The following UVRAG variants were observed in gnomAD, a reference collection of about 807,000 sequenced individuals.
UVRAG encodes UV radiation resistance-associated gene protein.
A neutral mutation model predicts 78.0 loss-of-function variants in UVRAG; 19 were observed. That is an observed-to-expected ratio of 0.24 (90% CI 0.17 to 0.36). The LOEUF (loss-of-function observed/expected upper bound fraction) is 0.36. Ranked by LOEUF, UVRAG falls within the 10% of genes least tolerant of loss-of-function variation. The probability of loss-of-function intolerance (pLI) is 1.00; values close to 1 mark genes in which losing one functional copy is unlikely to be tolerated. For missense variants in UVRAG, 740 were observed against 853.8 expected, an observed-to-expected ratio of 0.87 and a Z score of 1.66; for synonymous variants, 323 against 324.6, an observed-to-expected ratio of 1.00 and a Z score of 0.05.
chr11:75,974,351 C>CTTTTTTTT (rs1188190094), intron 7 of UVRAG, among the ~76,000 whole-genome samples: 2 of 83,712 alleles, frequency 2.4e-5, no homozygotes, highest in African/African-American at 5.0e-5. Context: ...TAAATGTCTT[C>CTTTTTTTT]TTTTTTTTTT....
chr11:75,957,005 G>GT (rs1371325315), intron 6 of UVRAG, among the ~76,000 whole-genome samples: 292 of 143,636 alleles, frequency 2.0e-3, no homozygotes, highest in Non-Finnish European at 2.8e-3. Flanking sequence ...TCTATGGACT[G>GT]TTTTTTTTTT....
intron 13 of UVRAG, among the ~76,000 whole-genome samples, chr11:76,080,052 A>G (rs1170077659): frequency 3.3e-5 from 5 of 152,130 alleles, no homozygotes; most frequent in Non-Finnish European, 2.9e-5. Context: ...GGAAAATTGG[A>G]CTGAATTCAC....
intron 12 of UVRAG, among the ~76,000 whole-genome samples, chr11:76,031,644 C>T (rs933781335): frequency 4.6e-5 from 7 of 152,118 alleles, no homozygotes; most frequent in Non-Finnish European, 8.8e-5. Context: ...ACATGTGACC[C>T]CAACCTGAAC....
intron 5 of UVRAG, among the ~76,000 whole-genome samples, chr11:75,899,828 G>C (rs1190399876): frequency 6.6e-6 from 1 of 152,196 alleles, no homozygotes; most frequent in Non-Finnish European, 1.5e-5. Flanking sequence ...ATGCCCATGA[G>C]ACCATCAACC....
At chr11:76,133,881 A>G (rs1952555260) in intron 14 of UVRAG, among the ~76,000 whole-genome samples, 2 of 152,058 alleles carry the variant, frequency 1.3e-5, no homozygotes, top group South Asian at 4.1e-4. Flanking sequence ...TTCACATTGA[A>G]CAGATTAAAT....
intron 13 of UVRAG, among the ~76,000 whole-genome samples, chr11:76,101,676 T>C (rs34264251): frequency 0.02 from 3,080 of 152,332 alleles, 45 homozygotes; most frequent in Non-Finnish European, 0.034. Flanking sequence ...CAGAATGGTA[T>C]TGCCTAGGTT....
chr11:76,141,274 G>A lies in UVRAG; in HGVS notation c.1961G>A (p.Cys654Tyr). 1.2e-6 allele frequency: 2 copies of A among 1,614,218 alleles called. No individual in the cohort carries two copies. Among genetic ancestry groups the A allele is most frequent in the South Asian group, 1.1e-5 (1 of 91,072 alleles). ...ASGDQLEAFN[C>Y]IPVDSAVAVE... ...GGTGATCAGCTAGAAGCATTTAACTGCATCCCAGTGGACAGTGCTGTGGCA... is the reference window on the plus strand; with the variant it reads ...GGTGATCAGCTAGAAGCATTTAACTACATCCCAGTGGACAGTGCTGTGGCA... Residue 654 changes from cysteine to tyrosine, a missense_variant, in exon 15 of 15, where the codon TGC (cysteine) becomes TAC (tyrosine). Physicochemically the swap from Cys to Tyr is radical, Grantham distance 194. Coordinates refer to ENST00000356136, the MANE Select transcript of UVRAG (RefSeq NM_003369.4).
intron 7 of UVRAG, among the ~76,000 whole-genome samples, chr11:75,981,904 G>C (rs900679992): frequency 2.0e-5 from 3 of 148,854 alleles, no homozygotes; most frequent in Non-Finnish European, 4.4e-5. Context: ...TCTTTGCTGA[G>C]ACTTTCTAGT....
At position 75,888,886 on chromosome 11, in the gene UVRAG, G is replaced by T. The variant is rs778443812; in HGVS notation, c.490G>T (p.Ala164Ser). 1.2e-6 allele frequency: 2 copies of T among 1,612,852 alleles called. No individual in the cohort carries two copies. Among genetic ancestry groups the T allele is most frequent in the East Asian group, 4.5e-5 (2 of 44,806 alleles). Residue 164 changes from alanine (A) to serine (S), a missense_variant, in exon 5 of 15, where the codon GCT (alanine) becomes TCT (serine). Ala to Ser is a moderately conservative substitution (Grantham distance 99). Coordinates refer to ENST00000356136, the MANE Select transcript of UVRAG (RefSeq NM_003369.4). ...IFGLNDGYYG[A>S]PFEHKGYSNA... is the part of the protein sequence containing the mutation. ...TGGGCTGAATGATGGATACTATGGT[G>T]CTCCATTTGAACATAAGGTAAGAAG... is the stretch of plus-strand genomic sequence containing the variant.
chr11:76,036,528 G>A (rs1325099123), intron 12 of UVRAG, among the ~76,000 whole-genome samples: 1 of 152,020 alleles, frequency 6.6e-6, no homozygotes, highest in Non-Finnish European at 1.5e-5. Flanking sequence ...GCAATAGAGT[G>A]AGACCCTGTC....
intron 2 of UVRAG, among the ~76,000 whole-genome samples, chr11:75,853,916 G>A (rs1384297036): frequency 6.6e-6 from 1 of 151,778 alleles, no homozygotes; most frequent in African/African-American, 2.4e-5. Flanking sequence ...GGGATTACAG[G>A]TGCCTGCCAC....
intron 8 of UVRAG, 53 bp downstream of exon 8, chr11:75,983,566 T>TTTC (rs757392953): frequency 6.7e-7 from 1 of 1,492,342 alleles, no homozygotes; most frequent in Non-Finnish European, 9.0e-7. Flanking sequence ...GTAGTTCTCC[T>TTTC]TTCTTCTTCT....
At chr11:76,004,877 G>A (rs567969226) in intron 9 of UVRAG, among the ~76,000 whole-genome samples, 158 of 152,260 alleles carry the variant, frequency 1.0e-3, no homozygotes, top group Non-Finnish European at 1.5e-3. Context: ...GTTAATTTTA[G>A]TCGCTCTCCC....
chr11:75,897,215 A>C (rs73491790), intron 5 of UVRAG, among the ~76,000 whole-genome samples: 5,753 of 152,294 alleles, frequency 0.038, 347 homozygotes, highest in African/African-American at 0.13. Context: ...TTAGGTATAA[A>C]AAGTTTCAGG....
intron 13 of UVRAG, among the ~76,000 whole-genome samples, chr11:76,083,270 T>A (rs945925918): frequency 6.6e-6 from 1 of 152,328 alleles, no homozygotes; most frequent in East Asian, 1.9e-4. Context: ...GAGGAATTTT[T>A]AAAAAATAAT....
chr11:75,844,299 C>T (rs1945986772), intron 1 of UVRAG, among the ~76,000 whole-genome samples: 1 of 151,866 alleles, frequency 6.6e-6, no homozygotes, highest in Admixed American at 6.6e-5. Context: ...ACTATCTCGG[C>T]TCACTGCAAG....
At chr11:75,954,440 A>T (rs559383424) in intron 6 of UVRAG, among the ~76,000 whole-genome samples, 132 of 152,308 alleles carry the variant, frequency 8.7e-4, no homozygotes, top group Middle Eastern at 6.8e-3. Flanking sequence ...TGGGTTGATG[A>T]TGCCTATCAT....
chr11:76,071,863 C>T (rs1360959869), intron 13 of UVRAG, among the ~76,000 whole-genome samples: 2 of 152,082 alleles, frequency 1.3e-5, no homozygotes. Flanking sequence ...AATGTTACTG[C>T]CATTTATTGA....
intron 3 of UVRAG, among the ~76,000 whole-genome samples, chr11:75,862,919 T>C (rs1472269985): frequency 6.6e-6 from 1 of 152,208 alleles, no homozygotes; most frequent in Non-Finnish European, 1.5e-5. Flanking sequence ...GTTAAATGAA[T>C]AAAGGGTTAT....
Sources: allele counts gnomAD v4.1 joint callset (sites outside exome capture counted in the v4.1 genomes callset), GRCh38; gene constraint gnomAD v4.1.1; transcripts MANE v1.5; gene names NCBI Gene and HGNC (gene_info 2026-07-23, HGNC 2026-07-21).